The following PKIG variants were observed in gnomAD, a reference collection of about 807,000 sequenced individuals.
PKIG encodes protein kinase (cAMP-dependent, catalytic) inhibitor gamma.
PKIG carries 1 observed loss-of-function variant against 6.8 expected under a neutral mutation model. The ratio of observed to expected loss-of-function variants is 0.15; its 90% confidence interval spans 0.05 to 0.69. The LOEUF (loss-of-function observed/expected upper bound fraction) is 0.69, where lower values mean the gene tolerates loss of function less well. Ranked by LOEUF, PKIG falls within the 30% of genes least tolerant of loss-of-function variation. The pLI is 0.82. For synonymous variants in PKIG, 39 were observed against 43.0 expected, an observed-to-expected ratio of 0.91 and a Z score of 0.36; for missense variants, 77 against 104.0, an observed-to-expected ratio of 0.74 and a Z score of 1.13.
intron 1 of PKIG, among the ~76,000 whole-genome samples, chr20:44,575,503 T>C (rs2064889504): frequency 6.6e-6 from 1 of 152,202 alleles, no homozygotes; most frequent in Non-Finnish European, 1.5e-5. Flanking sequence ...CCATTCACAA[T>C]CAATAATAAA....
At chr20:44,611,520 C>CTT (rs1330858238) in intron 2 of PKIG, among the ~76,000 whole-genome samples, 7 of 141,482 alleles carry the variant, frequency 4.9e-5, no homozygotes, top group East Asian at 2.0e-4. Context: ...TCTATATCAA[C>CTT]TTTTTTTTTT....
chr20:44,616,757 C>G (rs1270598609), intron 3 of PKIG, among the ~76,000 whole-genome samples: 1 of 152,208 alleles, frequency 6.6e-6, no homozygotes, highest in African/African-American at 2.4e-5. Flanking sequence ...GGAGCAGTTC[C>G]GTTTCACAGG....
intron 2 of PKIG, among the ~76,000 whole-genome samples, chr20:44,597,552 T>C (rs1338095029): frequency 6.6e-6 from 1 of 152,158 alleles, no homozygotes; most frequent in Admixed American, 6.5e-5. Context: ...CCACGGTGTA[T>C]TTTGGAGATG....
chr20:44,584,791 C>T (rs1600873403), intron 1 of PKIG, among the ~76,000 whole-genome samples: 1 of 150,956 alleles, frequency 6.6e-6, no homozygotes, highest in Non-Finnish European at 1.5e-5. Context: ...GCAGTCTTGG[C>T]TCACTGCAGC....
upstream of PKIG, among the ~76,000 whole-genome samples, chr20:44,579,583 A>C (rs184091496): frequency 6.6e-6 from 1 of 152,220 alleles, no homozygotes; most frequent in Admixed American, 6.5e-5. Flanking sequence ...GATTATTGTG[A>C]GGATGACATG....
chr20:44,617,229 G>C (rs755920081), intron 3 of PKIG, among the ~76,000 whole-genome samples: 25 of 152,166 alleles, frequency 1.6e-4, no homozygotes, highest in Non-Finnish European at 3.2e-4. Context: ...AGGATAAAAA[G>C]GTGTGGTCTG....
chr20:44,539,054 G>A (rs1452047841), intron 1 of PKIG, among the ~76,000 whole-genome samples: 1 of 151,896 alleles, frequency 6.6e-6, no homozygotes, highest in East Asian at 1.9e-4. Flanking sequence ...TCAGCCACCT[G>A]AGAAGCTGAG....
intron 2 of PKIG, among the ~76,000 whole-genome samples, chr20:44,604,472 G>C (rs753707483): frequency 6.6e-6 from 1 of 152,232 alleles, no homozygotes; most frequent in Non-Finnish European, 1.5e-5. Context: ...AACAATTAGA[G>C]AAACATTAGA....
At chr20:44,536,125 G>A (rs993008461) in intron 1 of PKIG, among the ~76,000 whole-genome samples, 1 of 152,206 alleles carries the variant, frequency 6.6e-6, no homozygotes. Flanking sequence ...TCCTTGTTGT[G>A]TAGCATGTGT....
chr20:44,579,719 G>C (rs2064931252), upstream of PKIG, among the ~76,000 whole-genome samples: 1 of 152,222 alleles, frequency 6.6e-6, no homozygotes, highest in Admixed American at 6.5e-5. Flanking sequence ...CCGGGATTCT[G>C]TCACAGACGT....
At chr20:44,592,545 G>A (rs1047120971) in intron 2 of PKIG, among the ~76,000 whole-genome samples, 2 of 152,182 alleles carry the variant, frequency 1.3e-5, no homozygotes, top group Non-Finnish European at 2.9e-5. Context: ...AGCTAGGAGT[G>A]TGCCTGCTCA....
intron 1 of PKIG, among the ~76,000 whole-genome samples, chr20:44,532,138 C>T (rs2064471970): frequency 6.6e-6 from 1 of 152,192 alleles, no homozygotes; most frequent in Non-Finnish European, 1.5e-5. Context: ...CCCCGACGCC[C>T]TTTGACCCCG....
chr20:44,551,488 A>G (rs6017361), intron 1 of PKIG, among the ~76,000 whole-genome samples: 10,715 of 152,314 alleles, frequency 0.07, 413 homozygotes, highest in South Asian at 0.15. Flanking sequence ...TTACATGAGT[A>G]TCTTGATATT....
intron 1 of PKIG, among the ~76,000 whole-genome samples, chr20:44,571,565 T>A (rs1270794876): frequency 6.6e-6 from 1 of 152,248 alleles, no homozygotes; most frequent in Non-Finnish European, 1.5e-5. Flanking sequence ...ATTGTAGGAC[T>A]GGAAGCTGCC....
At chr20:44,585,422 G>A (rs2123360141) in intron 1 of PKIG, among the ~76,000 whole-genome samples, 1 of 152,310 alleles carries the variant, frequency 6.6e-6, no homozygotes, top group South Asian at 2.1e-4. Flanking sequence ...CACACACAGG[G>A]CTGGGCATCT....
chr20:44,546,770 C>G (rs376073367), intron 1 of PKIG, among the ~76,000 whole-genome samples: 1 of 89,406 alleles, frequency 1.1e-5, no homozygotes, highest in South Asian at 4.7e-4. Flanking sequence ...CCAGGTTGGT[C>G]TCGAGCTCCT....
chr20:44,576,030 AT>A (rs1326354257), intron 1 of PKIG, among the ~76,000 whole-genome samples: 1 of 152,090 alleles, frequency 6.6e-6, no homozygotes, highest in African/African-American at 2.4e-5. Context: ...TCCGGAAATT[AT>A]TTGAAATGAA....
At chr20:44,546,010 G>T (rs1285756629) in intron 1 of PKIG, among the ~76,000 whole-genome samples, 8 of 152,150 alleles carry the variant, frequency 5.3e-5, no homozygotes, top group African/African-American at 1.4e-4. Flanking sequence ...CACTTTGGGA[G>T]GCTGAGGCAG....
intron 1 of PKIG, among the ~76,000 whole-genome samples, chr20:44,566,623 A>T (rs1439350184): frequency 2.6e-5 from 4 of 152,190 alleles, no homozygotes; most frequent in African/African-American, 9.7e-5. Flanking sequence ...AGGCAGGCAG[A>T]TCACTTAAGG....
Sources: allele counts gnomAD v4.1 joint callset (sites outside exome capture counted in the v4.1 genomes callset), GRCh38; gene constraint gnomAD v4.1.1; transcripts MANE v1.5; gene names NCBI Gene and HGNC (gene_info 2026-07-23, HGNC 2026-07-21).